Variants in ADK observed in about 807,000 individuals in gnomAD.
ADK encodes the protein N6,N6-dimethyladenosine kinase.
In ADK, 24 loss-of-function variants were observed where a neutral mutation model predicts 44.7. The observed-to-expected ratio is 0.54, with a 90% CI of 0.39 to 0.76. The LOEUF is 0.76. Among genes scored for constraint, ADK ranks in the 30% least tolerant of loss-of-function variants. The probability of loss-of-function intolerance (pLI) is 0.00; values close to 1 mark genes in which losing one functional copy is unlikely to be tolerated. For synonymous variants in ADK, 128 were observed against 142.6 expected (o/e 0.90, Z 0.73); for missense variants, 321 against 425.1 (o/e 0.76, Z 2.15).
chr10:74,215,680 T>G (rs1843985641), intron 2 of ADK, among the ~76,000 whole-genome samples: 1 of 150,834 alleles, frequency 6.6e-6, no homozygotes, highest in Non-Finnish European at 1.5e-5. Flanking sequence ...TTTTTTTTTT[T>G]TTTAAGACAG....
chr10:74,286,114 A>G lies in ADK; in HGVS notation c.195-28553A>G, dbSNP rs189294590. On this transcript the variant is annotated intron_variant, in intron 3 of 10. Transcript: ENST00000539909. ...GTTGCCCAGGCTAGAGTGCAGGAGC[A>G]TGATCATAGCTTACTGTAACCTCAC... Among the ~76,000 whole-genome samples, 7 of 152,158 alleles carry G rather than the reference A, an allele frequency of 4.6e-5. No individual in the cohort carries two copies. The East Asian group carries it at 1.4e-3, about 29-fold the overall frequency.
chr10:74,327,484 G>A (rs1332515467), intron 4 of ADK, among the ~76,000 whole-genome samples: 1 of 152,192 alleles, frequency 6.6e-6, no homozygotes, highest in Non-Finnish European at 1.5e-5. Context: ...TGGATAGAAT[G>A]TTCTGTAAAT....
intron 6 of ADK, chr10:74,423,790 CTA>C: frequency 2.9e-6 from 1 of 345,882 alleles, no homozygotes; most frequent in Admixed American, 3.3e-5. Flanking sequence ...GGGGGCTGGG[CTA>C]TGATACCGCT....
intron 10 of ADK, 148 bp from the exon 11 acceptor site, chr10:74,708,173 C>CA: frequency 1.5e-6 from 1 of 668,866 alleles, no homozygotes. Context: ...AAAAAAAAGA[C>CA]CTCCCTAACG....
chr10:74,244,608 ATG>A (rs1215110810), intron 3 of ADK, among the ~76,000 whole-genome samples: 1 of 152,174 alleles, frequency 6.6e-6, no homozygotes, highest in African/African-American at 2.4e-5. Flanking sequence ...TTTATTAGAT[ATG>A]TGTTACCAAA....
chr10:74,597,968 A>G, intron 8 of ADK, among the ~76,000 whole-genome samples: 1 of 152,192 alleles, frequency 6.6e-6, no homozygotes, highest in East Asian at 1.9e-4. Context: ...TTAGGGGGAC[A>G]TACTTTGAGA....
At chr10:74,295,886 C>T (rs1418844040) in intron 3 of ADK, among the ~76,000 whole-genome samples, 1 of 151,986 alleles carries the variant, frequency 6.6e-6, no homozygotes, top group Non-Finnish European at 1.5e-5. Context: ...ATAACCTTTT[C>T]CCTACAGTAT....
At chr10:74,641,928 G>A (rs1853858072) in intron 9 of ADK, among the ~76,000 whole-genome samples, 1 of 152,136 alleles carries the variant, frequency 6.6e-6, no homozygotes, top group Admixed American at 6.5e-5. Context: ...AGACTCACTG[G>A]GGGTGCCCTT....
chr10:74,656,489 G>T (rs1854493610), intron 9 of ADK, among the ~76,000 whole-genome samples: 1 of 152,212 alleles, frequency 6.6e-6, no homozygotes, highest in African/African-American at 2.4e-5. Context: ...GGGCCGTCAG[G>T]CAGCAAGTGT....
At chr10:74,657,702 A>G (rs1459216729) in intron 9 of ADK, among the ~76,000 whole-genome samples, 1 of 152,230 alleles carries the variant, frequency 6.6e-6, no homozygotes, top group Non-Finnish European at 1.5e-5. Flanking sequence ...TTAATTGAGC[A>G]CCTACTCTGT....
chr10:74,501,252 A>T (rs1471639780), intron 6 of ADK, among the ~76,000 whole-genome samples: 1 of 152,228 alleles, frequency 6.6e-6, no homozygotes. Context: ...AAATCACTTT[A>T]TGATAAAATA....
intron 8 of ADK, among the ~76,000 whole-genome samples, chr10:74,595,371 C>CTTTTT (rs1223426277): frequency 4.4e-5 from 4 of 91,688 alleles, no homozygotes; most frequent in Non-Finnish European, 6.4e-5. Flanking sequence ...TGAAAAATAC[C>CTTTTT]TTTTTTTTTT....
intron 6 of ADK, among the ~76,000 whole-genome samples, chr10:74,482,009 T>G (rs1036121653): frequency 2.6e-5 from 4 of 152,262 alleles, no homozygotes; most frequent in Non-Finnish European, 4.4e-5. Context: ...TTAGTCACTT[T>G]CAGCTGTTAA....
intron 2 of ADK, among the ~76,000 whole-genome samples, chr10:74,222,395 A>G (rs1488206641): frequency 2.6e-5 from 4 of 151,272 alleles, no homozygotes; most frequent in Non-Finnish European, 5.9e-5. Context: ...AAATAGGAAC[A>G]CTTTTACACT....
At chr10:74,171,231 A>G (rs1032931944) in intron 1 of ADK, among the ~76,000 whole-genome samples, 3 of 152,174 alleles carry the variant, frequency 2.0e-5, no homozygotes, top group Admixed American at 6.6e-5. Flanking sequence ...GGGTATACAA[A>G]TCTTTATACA....
intron 6 of ADK, among the ~76,000 whole-genome samples, chr10:74,474,592 G>A (rs1323804245): frequency 6.6e-6 from 1 of 150,546 alleles, no homozygotes; most frequent in East Asian, 2.0e-4. Flanking sequence ...CATCCAGGCT[G>A]GAGTGCAGTG....
At chr10:74,398,050 C>T (rs1251704266) in intron 5 of ADK, among the ~76,000 whole-genome samples, 1 of 151,858 alleles carries the variant, frequency 6.6e-6, no homozygotes, top group Non-Finnish European at 1.5e-5. Context: ...TTAAAGGCTT[C>T]GATTAAATAG....
At chr10:74,286,670 C>T (rs1847172857) in intron 3 of ADK, among the ~76,000 whole-genome samples, 1 of 152,168 alleles carries the variant, frequency 6.6e-6, no homozygotes, top group Admixed American at 6.5e-5. Flanking sequence ...GGTTTATAGA[C>T]AATGATATTT....
At chr10:74,379,445 C>T (rs1592127335) in intron 4 of ADK, among the ~76,000 whole-genome samples, 1 of 152,202 alleles carries the variant, frequency 6.6e-6, no homozygotes, top group Admixed American at 6.5e-5. Flanking sequence ...TTGATAATTT[C>T]ACCTTCTTGA....
Sources: gnomAD v4.1 joint callset for allele counts (sites outside exome capture counted in the v4.1 genomes callset) on GRCh38, gnomAD v4.1.1 for gene constraint, MANE v1.5 for transcripts, NCBI Gene and HGNC (gene_info 2026-07-23, HGNC 2026-07-21) for gene names.